Variants in PALM3 observed in about 807,000 individuals in gnomAD.
PALM3 encodes paralemmin 3, also known as paralemmin-3.
A neutral mutation model predicts 27.9 loss-of-function variants in PALM3; 20 were observed. The observed-to-expected ratio is 0.72, with a 90% CI of 0.50 to 1.04. The LOEUF is 1.04. Ranked by LOEUF, PALM3 falls within the 50% of genes least tolerant of loss-of-function variation. PALM3 has a pLI of 0.00. For missense variants in PALM3, 814 were observed against 869.4 expected, an observed-to-expected ratio of 0.94 and a Z score of 0.80; for synonymous variants, 328 against 352.7, an observed-to-expected ratio of 0.93 and a Z score of 0.79.
Position 14,057,054 on chromosome 19 carries a change from C to T in PALM3, c.172-250G>A, listed in dbSNP as rs920945671. ...AAATCAATGTCCCTCCCTACTGGCC[C>T]CTCCCTACCCCAAAGCTAGACTTCG... On this transcript the variant is annotated intron_variant, in intron 3 of 6. Transcript: ENST00000669674. The T allele has an allele frequency of 2.0e-5, 12 of 587,358 alleles. No homozygotes were observed. The African/African-American group carries it at 2.3e-4, about 11-fold the overall frequency. The allele number at this position is 587,358 out of a possible 1,614,324, so 36.4% of individuals were successfully genotyped here. A position where few individuals can be genotyped will look rare whatever the true frequency, so the allele number is the denominator to read the frequency against.
chr19:14,054,174 G>A lies in PALM3; in HGVS notation c.1498C>T (p.Pro500Ser). The A allele has an allele frequency of 4.5e-6, 7 of 1,550,890 alleles. No individual in the cohort carries two copies. Among genetic ancestry groups the A allele is most frequent in the Non-Finnish European group, 6.1e-6 (7 of 1,146,836 alleles). ...CCTCCTTTCTTCTCTACTCCCAATG[G>A]TTCTTCTACCTCCTCCTCCTCTGCC... is the stretch of plus-strand genomic sequence containing the variant. Reference protein sequence around the residue: ...RGAEEEEVEEPLGVEKKGGEE... With the variant: ...RGAEEEEVEESLGVEKKGGEE... The change falls in exon 7 of 7, where the codon CCA (proline) becomes TCA (serine). Residue 500 changes from proline to serine, a missense_variant. Coordinates refer to ENST00000669674, the MANE Select transcript of PALM3 (RefSeq NM_001145028.2).
In PALM3 at chr19:14,054,287, C is replaced by T. The variant is rs773846222; in HGVS notation, c.1385G>A (p.Arg462Lys). 1.4e-5 allele frequency: 21 copies of T among 1,552,136 alleles called. No homozygotes were observed. In the African/African-American group the frequency reaches 1.4e-4, roughly 10 times the overall value. Residue 462 changes from arginine (R) to lysine (K), a missense_variant, in exon 7 of 7, where the codon AGG (arginine) becomes AAG (lysine). Physicochemically the swap from Arg to Lys is conservative, Grantham distance 26 (BLOSUM62 2). Transcript: ENST00000669674. ...GCCCAGTGGTTCCTCACCTCCTTCCCTCTCTGTTCCCAGCTTTTCTGCACT... is the reference window on the plus strand; with the variant it reads ...GCCCAGTGGTTCCTCACCTCCTTCCTTCTCTGTTCCCAGCTTTTCTGCACT... ...RGSAEKLGTEREGGEEPLGIE... is the reference protein window; with the variant it reads ...RGSAEKLGTEKEGGEEPLGIE...
In PALM3 at chr19:14,054,519, C is replaced by T; in HGVS notation, c.1153G>A (p.Glu385Lys). The T allele has an allele frequency of 1.9e-6, 3 of 1,551,300 alleles. No individual in the cohort carries two copies. The highest frequency in any genetic ancestry group is 2.6e-6 in the Non-Finnish European group (3 of 1,146,852). ...GLEGPEVAGR[E>K]RGDESPLGAE... Reference sequence around the variant, plus strand: ...CCCAGCGGGCTTTCATCTCCTCTCTCCCTCCCTGCCACCTCGGGCCCTTCC... The same window carrying T: ...CCCAGCGGGCTTTCATCTCCTCTCTTCCTCCCTGCCACCTCGGGCCCTTCC... The change falls in exon 7 of 7, where the codon GAG becomes AAG. Residue 385 changes from glutamate to lysine, a missense_variant. Glu to Lys is a moderately conservative substitution (Grantham distance 56, BLOSUM62 1). Coordinates refer to ENST00000669674, the MANE Select transcript of PALM3 (RefSeq NM_001145028.2).
At chr19:14,058,891 C>A (rs563089822) in intron 2 of PALM3, among the ~76,000 whole-genome samples, 1 of 151,958 alleles carries the variant, frequency 6.6e-6, no homozygotes, top group South Asian at 2.1e-4. Context: ...AGGAATGAGG[C>A]ATAGCCGATG....
chr19:14,053,665 G>C lies in PALM3; in HGVS notation c.2007C>G (p.Thr669=). ...PARQPEPSAP[T]EGEEASGPKQ... is the part of the protein sequence containing the mutation. The stretch of plus-strand genomic sequence containing the variant: ...TAGGGCCACTTGCCTCTTCACCCTC[G>C]GTGGGGGCAGATGGCTCAGGCTGCC... Residue 669 remains threonine (T), a synonymous_variant, in exon 7 of 7, where the codon ACC becomes ACG. Coordinates refer to ENST00000669674, the MANE Select transcript of PALM3 (RefSeq NM_001145028.2). The C allele has an allele frequency of 6.8e-7, 1 of 1,474,122 alleles. No homozygotes were observed. Among genetic ancestry groups the C allele is most frequent in the Non-Finnish European group, 9.0e-7 (1 of 1,113,226 alleles). 91.3% of individuals were successfully genotyped at this position (1,474,122 alleles called of 1,614,324 possible).
At chr19:14,055,605 G>T (rs1210334284) in intron 5 of PALM3, among the ~76,000 whole-genome samples, 180 bp from the exon 6 acceptor site, 1 of 152,040 alleles carries the variant, frequency 6.6e-6, no homozygotes, top group Non-Finnish European at 1.5e-5. Flanking sequence ...ATGTTCCAGG[G>T]CCTTGCACAC....
rs1490885043 is a variant in PALM3, at chr19:14,053,686, C to T, written c.1986G>A (p.Gln662=). ...CCTCGGTGGGGGCAGATGGCTCAGG[C>T]TGCCGGGCAGGCGCGTAGGTGGGCA... The part of the protein sequence containing the change: ...HPVPTYAPAR[Q]PEPSAPTEGE... The change falls in exon 7 of 7, where the codon CAG becomes CAA. Residue 662 remains glutamine (Q), a synonymous_variant. Transcript: ENST00000669674. The T allele has an allele frequency of 2.0e-6, 3 of 1,486,302 alleles. No individual in the cohort carries two copies. Among genetic ancestry groups the T allele is most frequent in the Non-Finnish European group, 2.7e-6 (3 of 1,119,000 alleles). 92.1% of individuals were successfully genotyped at this position (1,486,302 alleles called of 1,614,324 possible). A position where few individuals can be genotyped will look rare whatever the true frequency, so the allele number is the denominator to read the frequency against.
intron 6 of PALM3, 65 bp downstream of exon 6, chr19:14,055,315 G>A: frequency 1.4e-6 from 2 of 1,436,158 alleles, no homozygotes; most frequent in Non-Finnish European, 1.8e-6. Flanking sequence ...CTCCCCTTGA[G>A]TCACCCTCTC....
intron 2 of PALM3, 30 bp from the exon 3 acceptor site, chr19:14,057,461 C>T (rs1278378860): frequency 1.3e-6 from 2 of 1,491,166 alleles, no homozygotes; most frequent in Non-Finnish European, 1.8e-6. Flanking sequence ...AGCTGCCCGC[C>T]GGCCGGGCGC....
Position 14,054,176 on chromosome 19 carries a change from T to G in PALM3, c.1496A>C (p.Glu499Ala). 1 of 1,551,852 alleles carries G rather than the reference T, an allele frequency of 6.4e-7. No individual in the cohort carries two copies. The highest frequency in any genetic ancestry group is 8.7e-7 in the Non-Finnish European group (1 of 1,147,044). The change falls in exon 7 of 7, where the codon GAA becomes GCA. Residue 499 changes from glutamate (E) to alanine (A), a missense_variant. Physicochemically the swap from Glu to Ala is moderately radical, Grantham distance 107. Transcript: ENST00000669674. ...TCCTTTCTTCTCTACTCCCAATGGT[T>G]CTTCTACCTCCTCCTCCTCTGCCCC... ...KRGAEEEEVE[E>A]PLGVEKKGGE...
rs780643841 is a variant in PALM3 at position 14,054,571 on chromosome 19, C to T, written c.1101G>A (p.Glu367=). 152 of 1,552,030 alleles carry T rather than the reference C, an allele frequency of 9.8e-5. No individual in the cohort carries two copies. In the Middle Eastern group the frequency reaches 1.5e-3, roughly 15 times the overall value. ...IWVERVTLSE[E]WEELLVEGLE... ...ACCCCTCCACCAGCAGCTCCTCCCA[C>T]TCTTCACTGAGGGTCACTCTCTCCA... The change falls in exon 7 of 7, where the codon GAG becomes GAA. Residue 367 remains glutamate (E), a synonymous_variant. Coordinates refer to ENST00000669674, the MANE Select transcript of PALM3 (RefSeq NM_001145028.2).
rs376191098 is a variant in PALM3 at position 14,054,699 on chromosome 19, A to G, written c.973T>C (p.Leu325=). ...QTSSPRLQER[L]EAAASIEGED... ...CCTTCTATGGAAGCTGCTGCCTCTA[A>G]TCTCTCCTGGAGCCTAGGCGAGCTA... is the stretch of plus-strand genomic sequence containing the variant. The change falls in exon 7 of 7, where the codon TTA becomes CTA. Residue 325 remains leucine (L), a synonymous_variant. Coordinates refer to ENST00000669674, the MANE Select transcript of PALM3 (RefSeq NM_001145028.2). 4.0e-5 allele frequency: 62 copies of G among 1,551,188 alleles called. No individual in the cohort carries two copies. The highest frequency in any genetic ancestry group is 5.3e-5 in the Non-Finnish European group (61 of 1,146,886).
chr19:14,058,865 T>G (rs1284404744), intron 2 of PALM3, among the ~76,000 whole-genome samples: 2 of 151,376 alleles, frequency 1.3e-5, no homozygotes, highest in Non-Finnish European at 3.0e-5. Flanking sequence ...ATGGGGTTTT[T>G]GGGAGGCTGG....
Position 14,055,360 on chromosome 19 carries a change from C to G in PALM3, c.445+20G>C, listed in dbSNP as rs1976286502. ...CTCTGGGGTGACCTGACCCCCAGAC[C>G]TAGGGGCTCCCACACTTACCTACAG... On this transcript the variant is annotated intron_variant, in intron 6 of 6. Transcript: ENST00000669674. The G allele has an allele frequency of 7.7e-6, 12 of 1,549,644 alleles. No individual in the cohort carries two copies. The highest frequency in any genetic ancestry group is 1.0e-5 in the Non-Finnish European group (12 of 1,146,700).
At position 14,059,169 on chromosome 19, in the gene PALM3, G is replaced by A; in HGVS notation, c.42-6C>T. ...GGGAGCTCTCCGCCATGGGCCTGTTGGGAGAGGGCAGGGGCTTCGAGGGGC... is the reference window on the plus strand; with the variant it reads ...GGGAGCTCTCCGCCATGGGCCTGTTAGGAGAGGGCAGGGGCTTCGAGGGGC... On this transcript the variant is annotated splice_polypyrimidine_tract_variant and splice_region_variant and intron_variant, in intron 1 of 6. Coordinates refer to ENST00000669674, the MANE Select transcript of PALM3 (RefSeq NM_001145028.2). The A allele has an allele frequency of 6.9e-7, 1 of 1,445,904 alleles. No individual in the cohort carries two copies. The highest frequency in any genetic ancestry group is 1.4e-5 in the South Asian group (1 of 70,262). 89.6% of individuals were successfully genotyped at this position (1,445,904 alleles called of 1,614,324 possible).
At chr19:14,060,341 C>T (rs1031199398) in intron 1 of PALM3, among the ~76,000 whole-genome samples, 5 of 151,788 alleles carry the variant, frequency 3.3e-5, no homozygotes, top group Non-Finnish European at 7.4e-5. Flanking sequence ...TCTAAGTGCC[C>T]CACGGGGTTT....
chr19:14,057,475 C>A, intron 2 of PALM3, 44 bp from the exon 3 acceptor site: 1 of 1,440,880 alleles, frequency 6.9e-7, no homozygotes, highest in Non-Finnish European at 9.3e-7. Context: ...CGGGCGCGGC[C>A]TCCACCACCT....
chr19:14,053,636 T>C lies in PALM3; in HGVS notation c.2036A>G (p.Gln679Arg). Residue 679 changes from glutamine to arginine, a missense_variant, in exon 7 of 7, where the codon CAA (glutamine) becomes CGA (arginine). Gln to Arg is a conservative substitution (Grantham distance 43). Transcript: ENST00000669674. ...TEGEEASGPK[Q>R]KTCQCCAVM is the part of the protein sequence containing the mutation. Reference sequence around the variant, plus strand: ...GACCGCACAACACTGGCACGTCTTTTGCTTAGGGCCACTTGCCTCTTCACC... The same window carrying C: ...GACCGCACAACACTGGCACGTCTTTCGCTTAGGGCCACTTGCCTCTTCACC... The C allele has an allele frequency of 6.8e-7, 1 of 1,461,190 alleles. No individual in the cohort carries two copies. The highest frequency in any genetic ancestry group is 9.0e-7 in the Non-Finnish European group (1 of 1,105,806). 90.5% of individuals were successfully genotyped at this position (1,461,190 alleles called of 1,614,324 possible).
At position 14,053,499 on chromosome 19, in the gene PALM3, C is replaced by T; in HGVS notation, c.*106G>A. On this transcript the variant is annotated 3_prime_UTR_variant, in exon 7 of 7. Coordinates refer to ENST00000669674, the MANE Select transcript of PALM3 (RefSeq NM_001145028.2). Reference sequence around the variant, plus strand: ...TGCAGGCTAGCTGGCTCCCAGGTGCCATGGCCAGTCCTGTGGTCCCTGTCT... The same window carrying T: ...TGCAGGCTAGCTGGCTCCCAGGTGCTATGGCCAGTCCTGTGGTCCCTGTCT... The T allele has an allele frequency of 1.5e-6, 2 of 1,312,566 alleles. No individual in the cohort carries two copies. Among genetic ancestry groups the T allele is most frequent in the Non-Finnish European group, 1.0e-6 (1 of 1,002,974 alleles). 81.3% of individuals were successfully genotyped at this position (1,312,566 alleles called of 1,614,324 possible).
Sources: allele counts gnomAD v4.1 joint callset (sites outside exome capture counted in the v4.1 genomes callset), GRCh38; gene constraint gnomAD v4.1.1; transcripts MANE v1.5; gene names NCBI Gene and HGNC (gene_info 2026-07-23, HGNC 2026-07-21).